DMBT1: variants seen among roughly 807,000 people sequenced by gnomAD.
The protein encoded by DMBT1 is scavenger receptor cysteine-rich domain-containing protein DMBT1.
Under a neutral mutation model 252.9 loss-of-function variants are expected in DMBT1, and 198 were observed. The ratio of observed to expected loss-of-function variants is 0.78; its 90% confidence interval spans 0.70 to 0.88. The LOEUF (loss-of-function observed/expected upper bound fraction) is 0.88. Ranked by LOEUF, DMBT1 falls within the 40% of genes least tolerant of loss-of-function variation. The pLI is 0.00. For synonymous variants in DMBT1, 990 were observed against 942.7 expected, an observed-to-expected ratio of 1.05 and a Z score of -0.92; for missense variants, 2,432 against 2,404.7, an observed-to-expected ratio of 1.01 and a Z score of -0.24.
intron 51 of DMBT1, 146 bp from the exon 52 acceptor site, chr10:122,633,045 T>A: frequency 6.7e-7 from 1 of 1,497,288 alleles, no homozygotes; most frequent in Non-Finnish European, 9.0e-7. Flanking sequence ...ACGGTCCAGA[T>A]CTAGGCCACC....
intron 7 of DMBT1, 91 bp downstream of exon 7, chr10:122,576,813 G>A: frequency 2.6e-6 from 4 of 1,524,108 alleles, no homozygotes; most frequent in Non-Finnish European, 3.6e-6. Context: ...GATTGCTTGA[G>A]CTCAGGCGTT....
At chr10:122,568,639 C>G (rs773461787) in intron 2 of DMBT1, among the ~76,000 whole-genome samples, 1 of 152,148 alleles carries the variant, frequency 6.6e-6, no homozygotes, top group Non-Finnish European at 1.5e-5. Flanking sequence ...GTGTCAGGGC[C>G]GGGTGGAGGT....
At chr10:122,631,314 C>T (rs1437897718) in intron 49 of DMBT1, 33 bp downstream of exon 49, 3 of 1,602,944 alleles carry the variant, frequency 1.9e-6, no homozygotes, top group East Asian at 2.2e-5. Flanking sequence ...GCCCATTTCA[C>T]CTGTAACTTG....
Position 122,578,850 on chromosome 10 carries a change from G to C in DMBT1, c.679+91G>C, listed in dbSNP as rs142921615. On this transcript the variant is annotated intron_variant, in intron 9 of 55. Transcript: ENST00000338354. ...AGTTCACTTATGATTGCCATAAAGA[G>C]AGGTGGGGAAGTGGGCTAAGCGTGG... The C allele has an allele frequency of 2.3e-4, 311 of 1,344,714 alleles. 4 individuals are homozygous for C. In the East Asian group the frequency reaches 7.6e-3, roughly 33 times the overall value. 83.3% of individuals were successfully genotyped at this position (1,344,714 alleles called of 1,614,324 possible).
rs373485754 is a variant in DMBT1 at position 122,643,169 on chromosome 10, G to C, written c.7400G>C (p.Arg2467Pro). The C allele has an allele frequency of 5.0e-6, 8 of 1,613,814 alleles. No individual in the cohort carries two copies. The highest frequency in any genetic ancestry group is 6.8e-6 in the Non-Finnish European group (8 of 1,179,888). ...GGACCCTACTCCTCGCCATCTCTTC[G>C]CATTGCCCGCTTCCGGTTCAGGGCC... ...TYGPYSSPSL[R>P]IARFRFRAFH... The change falls in exon 56 of 56, where the codon CGC (arginine) becomes CCC (proline). Residue 2467 changes from arginine to proline, a missense_variant. Coordinates refer to ENST00000338354, the MANE Select transcript of DMBT1 (RefSeq NM_001377530.1).
chr10:122,619,596 G>C (rs901872738), intron 42 of DMBT1, among the ~76,000 whole-genome samples: 8 of 152,244 alleles, frequency 5.3e-5, no homozygotes, highest in Non-Finnish European at 8.8e-5. Flanking sequence ...TACAGGTTCA[G>C]GAAGTGGCCT....
At chr10:122,580,621 G>T (rs933754724) in intron 10 of DMBT1, among the ~76,000 whole-genome samples, 6 of 152,104 alleles carry the variant, frequency 3.9e-5, no homozygotes, top group Non-Finnish European at 7.4e-5. Flanking sequence ...GTTGGTTTAG[G>T]TCAACCGGGT....
At position 122,589,227 on chromosome 10, in the gene DMBT1, C is replaced by G; in HGVS notation, c.2067C>G (p.His689Gln). 6.3e-7 allele frequency: 1 copy of G among 1,588,570 alleles called. No individual in the cohort carries two copies. Among genetic ancestry groups the G allele is most frequent in the Non-Finnish European group, 8.6e-7 (1 of 1,165,758 alleles). ...WSCPNNGWLSHNCGHHEDAGV... is the reference protein window; with the variant it reads ...WSCPNNGWLSQNCGHHEDAGV... ...GCCCCAACAATGGCTGGCTCTCCCA[C>G]AACTGTGGCCATCATGAAGATGCTG... Residue 689 changes from histidine (H) to glutamine (Q), a missense_variant, in exon 17 of 56, where the codon CAC becomes CAG. Physicochemically the swap from His to Gln is conservative, Grantham distance 24. Transcript: ENST00000338354.
chr10:122,617,147 T>A, intron 39 of DMBT1, 81 bp from the exon 40 acceptor site: 4 of 1,461,238 alleles, frequency 2.7e-6, no homozygotes, highest in Non-Finnish European at 3.8e-6. Flanking sequence ...CCAGGTTGAT[T>A]CCCCCTCCCA....
At chr10:122,597,886 A>C in intron 24 of DMBT1, 88 bp from the exon 25 acceptor site, 1 of 1,599,080 alleles carries the variant, frequency 6.3e-7, no homozygotes, top group Non-Finnish European at 8.6e-7. Flanking sequence ...GGTAGTTTTC[A>C]TGATGTTTGC....
intron 1 of DMBT1, among the ~76,000 whole-genome samples, chr10:122,565,395 C>T (rs529684296): frequency 2.0e-4 from 31 of 152,188 alleles, no homozygotes; most frequent in African/African-American, 6.3e-4. Context: ...TCAACACTCA[C>T]GAGTATAGTT....
Position 122,631,883 on chromosome 10 carries a change from C to T in DMBT1, c.6367+8C>T, listed in dbSNP as rs545020917. 1 of 1,613,692 alleles carries T rather than the reference C, an allele frequency of 6.2e-7. No homozygotes were observed. Among genetic ancestry groups the T allele is most frequent in the Admixed American group, 1.7e-5 (1 of 60,022 alleles). ...ACCATCTATCGACACCTGGTAAGTC[C>T]CTCCGATTTCCATTCCACTTCCCTG... On this transcript the variant is annotated splice_region_variant and intron_variant, in intron 50 of 55. Transcript: ENST00000338354.
intron 1 of DMBT1, among the ~76,000 whole-genome samples, chr10:122,564,566 C>T (rs1046310507): frequency 1.3e-5 from 2 of 151,502 alleles, no homozygotes; most frequent in Non-Finnish European, 1.5e-5. Flanking sequence ...ACATAGCAGA[C>T]CTTTTTGTAT....
chr10:122,597,924 A>T (rs2097898826), intron 24 of DMBT1, 50 bp from the exon 25 acceptor site: 1 of 1,613,384 alleles, frequency 6.2e-7, no homozygotes, highest in South Asian at 1.1e-5. Context: ...CCTTTTGGAG[A>T]TTTTCACCAT....
In DMBT1 at chr10:122,633,235, T is replaced by C; in HGVS notation, c.6442T>C (p.Phe2148Leu). Residue 2148 changes from phenylalanine (F) to leucine (L), a missense_variant, in exon 52 of 56, where the codon TTT (phenylalanine) becomes CTT (leucine). This residue lies in a region of DMBT1 where 1,162 missense variants were observed against 1,169.0 expected (regional missense o/e 0.99). Transcript: ENST00000338354. ...CTTCCTATCCCAACCATCAGGGGAC[T>C]TTTCCAGCCCATTCTATCCCGGGAA... ...GGFLSQPSGD[F>L]SSPFYPGNYP... 1 of 1,614,042 alleles carries C rather than the reference T, an allele frequency of 6.2e-7. No individual in the cohort carries two copies. Among genetic ancestry groups the C allele is most frequent in the Non-Finnish European group, 8.5e-7 (1 of 1,179,912 alleles).
At chr10:122,634,348 C>CTTTT (rs1555029791) in intron 52 of DMBT1, among the ~76,000 whole-genome samples, 1 of 80,428 alleles carries the variant, frequency 1.2e-5, no homozygotes, top group Non-Finnish European at 2.5e-5. Context: ...ACTTTTCTTT[C>CTTTT]TTTCTTTCTT....
At chr10:122,577,363 G>C (rs2097721769) in intron 7 of DMBT1, among the ~76,000 whole-genome samples, 1 of 152,210 alleles carries the variant, frequency 6.6e-6, no homozygotes, top group Admixed American at 6.5e-5. Context: ...AAGGGTGGGA[G>C]GATGGCAGTG....
Position 122,592,528 on chromosome 10 carries a change from C to A in DMBT1, c.2433C>A (p.Ser811Arg), listed in dbSNP as rs772605027. The change falls in exon 20 of 56, where the codon AGC (serine) becomes AGA (arginine). Residue 811 changes from serine (S) to arginine (R), a missense_variant. Ser to Arg is a moderately radical substitution (Grantham distance 110). Around this residue, in one of 3 missense-constraint regions of DMBT1, gnomAD observed 1,264 missense variants for 1,082.2 expected, o/e 1.17. Transcript: ENST00000338354. The part of the protein sequence containing the change: ...RCSGHESYLW[S>R]CPHNGWLSHN... ...CAGGACACGAGTCCTACCTGTGGAGCTGCCCCCACAATGGCTGGCTCTCCC... is the reference window on the plus strand; with the variant it reads ...CAGGACACGAGTCCTACCTGTGGAGATGCCCCCACAATGGCTGGCTCTCCC... The A allele has an allele frequency of 1.3e-5, 21 of 1,588,240 alleles. 2 individuals are homozygous for A. The South Asian group carries it at 2.3e-4, about 17-fold the overall frequency.
intron 1 of DMBT1, among the ~76,000 whole-genome samples, chr10:122,563,835 C>T (rs540088338): frequency 3.9e-5 from 6 of 152,212 alleles, no homozygotes; most frequent in African/African-American, 7.2e-5. Context: ...TGGATGAGTT[C>T]GACTGCCATG....
Sources: allele counts gnomAD v4.1 joint callset (sites outside exome capture counted in the v4.1 genomes callset), GRCh38; gene constraint gnomAD v4.1.1; regional missense constraint gnomAD v4.1.1; transcripts MANE v1.5; gene names NCBI Gene and HGNC (gene_info 2026-07-23, HGNC 2026-07-21).